The following PPARG variants were observed in gnomAD, a reference collection of about 807,000 sequenced individuals.
PPARG encodes the protein peroxisome proliferator-activated receptor gamma.
PPARG carries 17 observed loss-of-function variants against 39.2 expected under a neutral mutation model. That is an observed-to-expected ratio of 0.43 (90% CI 0.30 to 0.65). The LOEUF is 0.65. Ranked by LOEUF, PPARG falls within the 30% of genes least tolerant of loss-of-function variation. The pLI, the probability that PPARG is intolerant of heterozygous loss-of-function variation, is 0.13. For synonymous variants in PPARG, 223 were observed against 215.7 expected (o/e 1.03, Z -0.30); for missense variants, 406 against 585.9 (o/e 0.69, Z 3.17).
intron 1 of PPARG, among the ~76,000 whole-genome samples, chr3:12,311,427 A>C (rs1331460357): frequency 6.6e-6 from 1 of 152,236 alleles, no homozygotes; most frequent in Non-Finnish European, 1.5e-5. Context: ...AGAAATAAAT[A>C]AACAGGCAAA....
At chr3:12,396,614 C>T (rs567192196) in intron 5 of PPARG, among the ~76,000 whole-genome samples, 30 of 152,010 alleles carry the variant, frequency 2.0e-4, no homozygotes, top group South Asian at 4.2e-4. Context: ...AAAAATTAGT[C>T]GGGCGTGATG....
chr3:12,417,108 T>C lies in PPARG; in HGVS notation c.1134T>C (p.Asp378=). ...TGAAGTTCAATGCACTGGAATTAGA[T>C]GACAGCGACTTGGCAATATTTATTG... ...FAVKFNALEL[D]DSDLAIFIAV... is the part of the protein sequence containing the mutation. Residue 378 remains aspartate, a synonymous_variant, in exon 7 of 8, where the codon GAT becomes GAC. Transcript: ENST00000651735. 3 of 1,614,162 alleles carry C rather than the reference T, an allele frequency of 1.9e-6. No individual in the cohort carries two copies. Among genetic ancestry groups the C allele is most frequent in the Non-Finnish European group, 2.5e-6 (3 of 1,179,998 alleles).
At chr3:12,333,885 C>T (rs1348933565) in intron 2 of PPARG, among the ~76,000 whole-genome samples, 1 of 152,200 alleles carries the variant, frequency 6.6e-6, no homozygotes, top group Non-Finnish European at 1.5e-5. Flanking sequence ...TACAGGCCCC[C>T]ATCTTCTGTG....
intron 7 of PPARG, among the ~76,000 whole-genome samples, chr3:12,419,069 C>T (rs958958516): frequency 2.6e-5 from 4 of 152,080 alleles, no homozygotes; most frequent in Admixed American, 2.6e-4. Flanking sequence ...CTCAGCCTCC[C>T]GAGTAGCTGG....
intron 2 of PPARG, among the ~76,000 whole-genome samples, chr3:12,343,328 A>T (rs1480541804): frequency 6.6e-6 from 1 of 151,894 alleles, no homozygotes; most frequent in Non-Finnish European, 1.5e-5. Flanking sequence ...CTCATCTCAG[A>T]TTTCCTCTCT....
chr3:12,433,492 C>A (rs1489766909), intron 7 of PPARG, among the ~76,000 whole-genome samples: 1 of 146,596 alleles, frequency 6.8e-6, no homozygotes, highest in East Asian at 2.0e-4. Context: ...GAGCCGACGT[C>A]ATGCCACTGC....
At position 12,289,070 on chromosome 3, in the gene PPARG, G is replaced by T. The variant is rs1043926857; in HGVS notation, c.-147G>T. The T allele has an allele frequency of 1.3e-5, 2 of 152,208 alleles. No homozygotes were observed. The highest frequency in any genetic ancestry group is 2.9e-5 in the Non-Finnish European group (2 of 68,042). The allele number at this position is 152,208 out of a possible 1,614,324, so 9.4% of individuals were successfully genotyped here. A position where few individuals can be genotyped will look rare whatever the true frequency, so the allele number is the denominator to read the frequency against. On this transcript the variant is annotated 5_prime_UTR_variant, in exon 1 of 8. Coordinates refer to ENST00000651735, the MANE Select transcript of PPARG (RefSeq NM_138711.6). ...AAGGTCAGTGGTAGGTAAGGAAGGG[G>T]CCTTAACCTCTGCTGGTGACCAGAA...
intron 2 of PPARG, among the ~76,000 whole-genome samples, chr3:12,334,123 C>T (rs943304074): frequency 1.3e-5 from 2 of 152,066 alleles, no homozygotes; most frequent in Admixed American, 6.6e-5. Flanking sequence ...GCTTATACTT[C>T]TTTGTATAAT....
rs544806424 is a variant in PPARG at position 12,380,731 on chromosome 3, A to G, written c.221-591A>G. On this transcript the variant is annotated intron_variant, in intron 3 of 7. Coordinates refer to ENST00000651735, the MANE Select transcript of PPARG (RefSeq NM_138711.6). ...TGGAAATTTAGTAGCCCTGAGCCCA[A>G]CTAGTAAAAGGTAGGGCTTACTTCC... Among the ~76,000 whole-genome samples, 28 of 152,282 alleles carry G rather than the reference A, an allele frequency of 1.8e-4. 2 individuals are homozygous for G. In the South Asian group the frequency reaches 5.2e-3, roughly 28 times the overall value.
rs574051451 is a variant in PPARG, at chr3:12,379,358, A to C, written c.-8-346A>C. On this transcript the variant is annotated intron_variant, in intron 2 of 7. Coordinates refer to ENST00000651735, the MANE Select transcript of PPARG (RefSeq NM_138711.6). ...CTATTATACTCAATAAAGCTGGACA[A>C]AATTTTAAATAAATAACAGCAGTCA... Among the ~76,000 whole-genome samples, 13 of 152,330 alleles carry C rather than the reference A, an allele frequency of 8.5e-5. No individual in the cohort carries two copies. The East Asian group carries it at 2.1e-3, about 25-fold the overall frequency.
At chr3:12,331,361 C>T (rs1183195897) in intron 2 of PPARG, among the ~76,000 whole-genome samples, 1 of 152,030 alleles carries the variant, frequency 6.6e-6, no homozygotes, top group African/African-American at 2.4e-5. Context: ...GTGAGAAGAA[C>T]CATGTTACAG....
At chr3:12,356,827 AG>A (rs1032660261) in intron 2 of PPARG, among the ~76,000 whole-genome samples, 3 of 152,124 alleles carry the variant, frequency 2.0e-5, no homozygotes, top group Non-Finnish European at 4.4e-5. Flanking sequence ...TTGTCCCAAG[AG>A]TAAGGCCGAC....
chr3:12,298,543 G>A (rs920997251), intron 1 of PPARG, among the ~76,000 whole-genome samples: 3 of 151,954 alleles, frequency 2.0e-5, no homozygotes, highest in Non-Finnish European at 2.9e-5. Flanking sequence ...CATTTTTCTT[G>A]TCACTTTCTT....
intron 4 of PPARG, among the ~76,000 whole-genome samples, chr3:12,383,204 G>A (rs184959153): frequency 6.6e-6 from 1 of 152,070 alleles, no homozygotes; most frequent in East Asian, 1.9e-4. Context: ...GCTACACAAG[G>A]TCTTATTCAT....
At chr3:12,414,322 G>A (rs754338815) in intron 6 of PPARG, among the ~76,000 whole-genome samples, 1 of 152,120 alleles carries the variant, frequency 6.6e-6, no homozygotes, top group Non-Finnish European at 1.5e-5. Flanking sequence ...ATGAAAGAAA[G>A]CCAATAAAGG....
chr3:12,302,019 G>A (rs1269388713), intron 1 of PPARG, among the ~76,000 whole-genome samples: 1 of 152,198 alleles, frequency 6.6e-6, no homozygotes, highest in South Asian at 2.1e-4. Flanking sequence ...GAGCCAAGAA[G>A]GGGTAGTGTT....
At chr3:12,371,709 C>A in intron 2 of PPARG, 1 of 436,400 alleles carries the variant, frequency 2.3e-6, no homozygotes, top group Non-Finnish European at 4.3e-6. Flanking sequence ...GCTGAGAATG[C>A]CAGGCTCAGA....
chr3:12,309,063 T>C (rs993049682), intron 1 of PPARG, among the ~76,000 whole-genome samples: 3 of 152,222 alleles, frequency 2.0e-5, no homozygotes, highest in Non-Finnish European at 4.4e-5. Context: ...TTTATTAATC[T>C]CCAAAAATGA....
rs185812833 is a variant in PPARG at position 12,346,427 on chromosome 3, G to A, written c.-8-33277G>A. The stretch of plus-strand genomic sequence containing the variant: ...ACATTAAAACTCAAAAAGACCTTAA[G>A]GATTATTCTGTTTTGTGGAAAGGGC... On this transcript the variant is annotated intron_variant, in intron 2 of 7. Transcript: ENST00000651735. Among the ~76,000 whole-genome samples, 4 of 152,174 alleles carry A rather than the reference G, an allele frequency of 2.6e-5. No individual in the cohort carries two copies. The East Asian group carries it at 7.7e-4, about 29-fold the overall frequency.
Sources: allele counts gnomAD v4.1 joint callset (sites outside exome capture counted in the v4.1 genomes callset), GRCh38; gene constraint gnomAD v4.1.1; transcripts MANE v1.5; gene names NCBI Gene and HGNC (gene_info 2026-07-23, HGNC 2026-07-21).